Variants in PHACTR1 observed in about 807,000 individuals in gnomAD.
The protein encoded by PHACTR1 is phosphatase and actin regulator 1.
In PHACTR1, 16 loss-of-function variants were observed where a neutral mutation model predicts 69.2. The ratio of observed to expected loss-of-function variants is 0.23; its 90% CI spans 0.16 to 0.35. The LOEUF (loss-of-function observed/expected upper bound fraction) is 0.35. Among genes scored for constraint, PHACTR1 ranks in the 10% least tolerant of loss-of-function variants. The pLI is 1.00. For synonymous variants in PHACTR1, 312 were observed against 284.5 expected (o/e 1.10, Z -0.97); for missense variants, 510 against 734.7 (o/e 0.69, Z 3.54).
intron 5 of PHACTR1, among the ~76,000 whole-genome samples, chr6:13,093,506 C>A (rs1317481203): frequency 6.6e-6 from 1 of 152,190 alleles, no homozygotes; most frequent in Non-Finnish European, 1.5e-5. Flanking sequence ...GCTACTCTAA[C>A]ACTGGGTCAG....
At chr6:12,935,421 T>G (rs1453186323) in intron 4 of PHACTR1, among the ~76,000 whole-genome samples, 1 of 151,968 alleles carries the variant, frequency 6.6e-6, no homozygotes, top group Non-Finnish European at 1.5e-5. Context: ...TTTTTGTATT[T>G]TTAGTAGAAA....
chr6:12,939,551 C>T (rs1464838166), intron 4 of PHACTR1, among the ~76,000 whole-genome samples: 1 of 152,180 alleles, frequency 6.6e-6, no homozygotes, highest in Non-Finnish European at 1.5e-5. Context: ...AAGGCTGACG[C>T]ATAGCTCATA....
intron 10 of PHACTR1, among the ~76,000 whole-genome samples, chr6:13,249,186 G>A (rs1774002322): frequency 6.6e-6 from 1 of 152,174 alleles, no homozygotes; most frequent in African/African-American, 2.4e-5. Flanking sequence ...CCCACAGCAG[G>A]AGATGAGTGG....
chr6:13,116,913 T>C (rs963635460), intron 5 of PHACTR1, among the ~76,000 whole-genome samples: 5 of 152,184 alleles, frequency 3.3e-5, no homozygotes, highest in African/African-American at 9.7e-5. Flanking sequence ...ACACTGCTAG[T>C]AGGTGGTAAG....
intron 4 of PHACTR1, among the ~76,000 whole-genome samples, chr6:12,794,904 T>G (rs1772780317): frequency 6.6e-6 from 1 of 152,112 alleles, no homozygotes; most frequent in Admixed American, 6.5e-5. Flanking sequence ...GAGTTATGGA[T>G]GACCAGATCT....
chr6:13,080,792 A>G (rs1362568914), intron 5 of PHACTR1, among the ~76,000 whole-genome samples: 1 of 152,170 alleles, frequency 6.6e-6, no homozygotes, highest in Non-Finnish European at 1.5e-5. Flanking sequence ...ATGTGTTAGG[A>G]ATTAAGTACT....
chr6:13,145,278 C>T (rs1358398409), intron 5 of PHACTR1, among the ~76,000 whole-genome samples: 2 of 152,140 alleles, frequency 1.3e-5, no homozygotes, highest in Admixed American at 6.5e-5. Context: ...ATTACCTTAT[C>T]ATATATGTAT....
intron 4 of PHACTR1, among the ~76,000 whole-genome samples, chr6:12,909,671 A>G (rs1347832707): frequency 6.6e-6 from 1 of 152,210 alleles, no homozygotes; most frequent in Admixed American, 6.5e-5. Flanking sequence ...GTTGAATGCC[A>G]GTGTAGTACA....
chr6:13,006,269 C>G (rs927862772), intron 4 of PHACTR1, among the ~76,000 whole-genome samples: 3 of 152,178 alleles, frequency 2.0e-5, no homozygotes, highest in Non-Finnish European at 2.9e-5. Context: ...GCCTGTAGTC[C>G]GATAACCTTT....
intron 10 of PHACTR1, among the ~76,000 whole-genome samples, chr6:13,244,536 G>C (rs1396194187): frequency 1.3e-5 from 2 of 152,218 alleles, no homozygotes; most frequent in Non-Finnish European, 2.9e-5. Flanking sequence ...CGGGGGGCCA[G>C]TTCAAGTTCA....
chr6:13,045,081 G>T (rs1804808242), intron 4 of PHACTR1, among the ~76,000 whole-genome samples: 1 of 152,168 alleles, frequency 6.6e-6, no homozygotes, highest in Admixed American at 6.5e-5. Context: ...TGACTTTAGT[G>T]AGTAATACAA....
intron 4 of PHACTR1, among the ~76,000 whole-genome samples, chr6:12,756,818 C>T (rs1343566444): frequency 6.6e-6 from 1 of 152,190 alleles, no homozygotes; most frequent in African/African-American, 2.4e-5. Flanking sequence ...TGCCAGATCT[C>T]TATCAACCAA....
chr6:12,888,581 C>A (rs781762229), intron 4 of PHACTR1, among the ~76,000 whole-genome samples: 8 of 151,978 alleles, frequency 5.3e-5, no homozygotes, highest in Non-Finnish European at 7.4e-5. Context: ...CTTTTAAATG[C>A]CCATTAATGG....
intron 4 of PHACTR1, among the ~76,000 whole-genome samples, chr6:12,782,326 A>G (rs545172758): frequency 5.3e-5 from 8 of 152,196 alleles, no homozygotes; most frequent in Non-Finnish European, 8.8e-5. Flanking sequence ...TCTCTTCAGC[A>G]GGACAAGCAG....
intron 5 of PHACTR1, among the ~76,000 whole-genome samples, chr6:13,074,609 A>T (rs1810120497): frequency 6.6e-6 from 1 of 152,246 alleles, no homozygotes; most frequent in South Asian, 2.1e-4. Flanking sequence ...CCCAGAAGAA[A>T]TGGCAAATTG....
At chr6:12,859,937 C>G (rs1421669968) in intron 4 of PHACTR1, among the ~76,000 whole-genome samples, 1 of 152,044 alleles carries the variant, frequency 6.6e-6, no homozygotes, top group Non-Finnish European at 1.5e-5. Flanking sequence ...CACTAAGGTA[C>G]CATTGCGCTT....
At position 13,235,301 on chromosome 6, in the gene PHACTR1, TA is replaced by T. The variant is rs374057210; in HGVS notation, c.1391+5109del. ...AGGAGGTGCCCTGACTATGGGATCT[TA>T]GCCATCAGATCTACTTCTAGTTCTG... On this transcript the variant is annotated intron_variant, in intron 10 of 14. Coordinates refer to ENST00000332995, the MANE Select transcript of PHACTR1 (RefSeq NM_030948.6). 1.3e-4 allele frequency among the ~76,000 whole-genome samples: 20 copies of T among 152,330 alleles called. 1 individual carries two copies. In the East Asian group the frequency reaches 3.9e-3, roughly 29 times the overall value.
chr6:13,098,934 A>G (rs943089913), intron 5 of PHACTR1, among the ~76,000 whole-genome samples: 1 of 152,210 alleles, frequency 6.6e-6, no homozygotes, highest in East Asian at 1.9e-4. Context: ...CCCTGTAGCC[A>G]TGGTAATGGG....
chr6:13,224,618 A>C (rs1769273193), intron 8 of PHACTR1, among the ~76,000 whole-genome samples: 1 of 152,208 alleles, frequency 6.6e-6, no homozygotes. Flanking sequence ...TGCTACAGTG[A>C]CTGATGTTCT....
Sources: allele counts gnomAD v4.1 joint callset (sites outside exome capture counted in the v4.1 genomes callset), GRCh38; gene constraint gnomAD v4.1.1; transcripts MANE v1.5; gene names NCBI Gene and HGNC (gene_info 2026-07-23, HGNC 2026-07-21).